SNCAIP: variants seen among roughly 807,000 people sequenced by gnomAD.
The protein encoded by SNCAIP is synphilin-1.
Under a neutral mutation model 86.7 loss-of-function variants are expected in SNCAIP, and 43 were observed. The observed-to-expected ratio is 0.50, with a 90% CI of 0.39 to 0.64. The LOEUF (loss-of-function observed/expected upper bound fraction) is 0.64, where lower values mean the gene tolerates loss of function less well. Ranked by LOEUF, SNCAIP falls within the 30% of genes least tolerant of loss-of-function variation. The pLI, the probability that SNCAIP is intolerant of heterozygous loss-of-function variation, is 0.00. For synonymous variants in SNCAIP, 417 were observed against 427.2 expected (o/e 0.98, Z 0.29); for missense variants, 981 against 1,103.1 (o/e 0.89, Z 1.57).
chr5:122,403,658 A>T, intron 2 of SNCAIP, 135 bp from the exon 3 acceptor site: 1 of 799,492 alleles, frequency 1.3e-6, no homozygotes, highest in South Asian at 1.3e-5. Flanking sequence ...CATTTAGGGT[A>T]AAATGAGATA....
chr5:122,453,094 GA>G (rs1784041152), intron 10 of SNCAIP: 4 of 703,232 alleles, frequency 5.7e-6, no homozygotes, highest in Non-Finnish European at 9.8e-6. Flanking sequence ...TTCATCAGGG[GA>G]TAACACCAAG....
intron 3 of SNCAIP, among the ~76,000 whole-genome samples, chr5:122,413,136 T>C (rs976769370): frequency 1.6e-4 from 24 of 152,216 alleles, no homozygotes; most frequent in Admixed American, 1.4e-3. Flanking sequence ...TACTTCTCTG[T>C]AAAACCCCTC....
rs543199174 is a variant in SNCAIP, at chr5:122,338,958, G to A, written c.-47+26674G>A. Among the ~76,000 whole-genome samples the A allele has an allele frequency of 1.8e-4, 27 of 152,250 alleles. No individual in the cohort carries two copies. The South Asian group carries it at 2.9e-3, about 16-fold the overall frequency. On this transcript the variant is annotated intron_variant, in intron 1 of 10. Transcript: ENST00000261368. ...AGCTCTCCTAGTAGATTAATAATGG[G>A]GGGTAGGGCAAGATTCACATGCACC...
chr5:122,348,470 A>G (rs1187600935), intron 1 of SNCAIP, among the ~76,000 whole-genome samples: 1 of 152,158 alleles, frequency 6.6e-6, no homozygotes, highest in Non-Finnish European at 1.5e-5. Context: ...ATGACTAGTT[A>G]TAAAAGTAGT....
chr5:122,325,082 C>CT (rs35448561), intron 1 of SNCAIP, among the ~76,000 whole-genome samples: 34 of 152,086 alleles, frequency 2.2e-4, no homozygotes, highest in South Asian at 6.3e-4. Flanking sequence ...GGTTTCTTCC[C>CT]TTTTTTTTAT....
intron 1 of SNCAIP, among the ~76,000 whole-genome samples, chr5:122,323,552 G>A (rs970664061): frequency 2.6e-5 from 4 of 152,220 alleles, no homozygotes; most frequent in African/African-American, 9.6e-5. Flanking sequence ...GGAAGCACAG[G>A]TGTGTGCACC....
At chr5:122,313,680 A>G (rs1751125445) in intron 1 of SNCAIP, among the ~76,000 whole-genome samples, 1 of 152,228 alleles carries the variant, frequency 6.6e-6, no homozygotes, top group South Asian at 2.1e-4. Flanking sequence ...GATGCATCTC[A>G]ATGTTAAATT....
intron 2 of SNCAIP, among the ~76,000 whole-genome samples, chr5:122,403,169 C>G (rs1191743238): frequency 6.6e-6 from 1 of 152,114 alleles, no homozygotes; most frequent in Non-Finnish European, 1.5e-5. Context: ...TGGTTTCTTT[C>G]CACTCAAACT....
rs981629384 is a variant in SNCAIP at position 122,403,980 on chromosome 5, G to A, written c.130+115G>A. The stretch of plus-strand genomic sequence containing the variant: ...CTTTCAGTTTTCTTTTCTCTTTACG[G>A]CTTCTCCACTCACACCACCCCCCAC... On this transcript the variant is annotated intron_variant, in intron 3 of 10. Coordinates refer to ENST00000261368, the MANE Select transcript of SNCAIP (RefSeq NM_005460.4). 1.9e-5 allele frequency: 15 copies of A among 771,998 alleles called. No homozygotes were observed. In the Admixed American group the frequency reaches 2.8e-4, roughly 14 times the overall value. 47.8% of individuals were successfully genotyped at this position (771,998 alleles called of 1,614,324 possible).
chr5:122,329,226 G>A (rs1277450904), intron 1 of SNCAIP, among the ~76,000 whole-genome samples: 2 of 134,894 alleles, frequency 1.5e-5, no homozygotes, highest in Non-Finnish European at 3.1e-5. Context: ...CTTTAAAGGA[G>A]AAGAAATCAA....
intron 1 of SNCAIP, among the ~76,000 whole-genome samples, chr5:122,334,100 T>A: frequency 6.6e-6 from 1 of 151,814 alleles, no homozygotes; most frequent in East Asian, 1.9e-4. Context: ...TCCAAAGAGG[T>A]TATAAGAAGA....
At chr5:122,433,957 G>T (rs1778895269) in intron 6 of SNCAIP, among the ~76,000 whole-genome samples, 1 of 152,048 alleles carries the variant, frequency 6.6e-6, no homozygotes, top group Admixed American at 6.6e-5. Context: ...TGATCACAAG[G>T]GTAAACAATC....
chr5:122,419,682 A>C (rs6884924), intron 3 of SNCAIP, among the ~76,000 whole-genome samples: 119,456 of 152,112 alleles, frequency 0.79, 47,413 homozygotes, highest in African/African-American at 0.9. Context: ...GGGGGATTTA[A>C]ATTTTGCTGA....
chr5:122,415,976 G>A (rs142587971), intron 3 of SNCAIP, among the ~76,000 whole-genome samples: 34 of 152,348 alleles, frequency 2.2e-4, no homozygotes, highest in Admixed American at 5.9e-4. Flanking sequence ...CGAAGACCAC[G>A]TAACTTTCTG....
chr5:122,333,566 C>A (rs1029934753), intron 1 of SNCAIP, among the ~76,000 whole-genome samples: 3 of 152,202 alleles, frequency 2.0e-5, no homozygotes, highest in African/African-American at 2.4e-5. Context: ...AATGAAGGCA[C>A]TTTGTTGGCG....
intron 1 of SNCAIP, among the ~76,000 whole-genome samples, chr5:122,356,734 A>G (rs997922161): frequency 6.6e-6 from 1 of 152,038 alleles, no homozygotes; most frequent in African/African-American, 2.4e-5. Context: ...TCACATACAC[A>G]TATGTGCTTA....
intron 1 of SNCAIP, among the ~76,000 whole-genome samples, chr5:122,342,710 A>G (rs771416169): frequency 1.3e-5 from 2 of 152,186 alleles, no homozygotes; most frequent in Non-Finnish European, 2.9e-5. Flanking sequence ...TCCAAAGCCC[A>G]TGTCCTAAAC....
chr5:122,444,436 G>T, intron 7 of SNCAIP, 127 bp from the exon 8 acceptor site: 1 of 813,916 alleles, frequency 1.2e-6, no homozygotes. Flanking sequence ...CTGAAGGGAG[G>T]TGTGTGATAT....
chr5:122,375,545 A>T (rs1421172135), intron 1 of SNCAIP, among the ~76,000 whole-genome samples: 1 of 150,572 alleles, frequency 6.6e-6, no homozygotes, highest in African/African-American at 2.4e-5. Context: ...TAGTGAATAG[A>T]TATCCCCAAA....
Sources: allele counts gnomAD v4.1 joint callset (sites outside exome capture counted in the v4.1 genomes callset), GRCh38; gene constraint gnomAD v4.1.1; transcripts MANE v1.5; gene names NCBI Gene and HGNC (gene_info 2026-07-23, HGNC 2026-07-21).